TRAF3: variants seen among roughly 807,000 people sequenced by gnomAD.
TRAF3 encodes the protein TNF receptor associated factor 3.
A neutral mutation model predicts 62.3 loss-of-function variants in TRAF3; 13 were observed. The observed-to-expected ratio is 0.21, with a 90% CI of 0.14 to 0.33. The LOEUF (loss-of-function observed/expected upper bound fraction) is 0.33, where lower values mean the gene tolerates loss of function less well. Ranked by LOEUF, TRAF3 falls within the 10% of genes least tolerant of loss-of-function variation. The pLI, the probability that TRAF3 is intolerant of heterozygous loss-of-function variation, is 1.00. For missense variants in TRAF3, 440 were observed against 741.8 expected, an observed-to-expected ratio of 0.59 and a Z score of 4.73; for synonymous variants, 269 against 283.4, an observed-to-expected ratio of 0.95 and a Z score of 0.51.
rs769573527 is a variant in TRAF3 at position 102,903,616 on chromosome 14, C to G, written c.1135+187C>G. 1.1e-6 allele frequency: 1 copy of G among 872,772 alleles called. No individual in the cohort carries two copies. Among genetic ancestry groups the G allele is most frequent in the Non-Finnish European group, 1.8e-6 (1 of 543,954 alleles). The allele number at this position is 872,772 out of a possible 1,614,324, so 54.1% of individuals were successfully genotyped here. On this transcript the variant is annotated intron_variant, in intron 11 of 11. Coordinates refer to ENST00000392745, the MANE Select transcript of TRAF3 (RefSeq NM_145725.3). This position sits in a 1 kb window ranked among gnomAD's most constrained non-coding sequence, Gnocchi z 6.4. ...AGTCCCCCAGCAAAGACAAACGTTT[C>G]CCGCGCAGGCTTGTCCCCTCCGTGT... is the stretch of plus-strand genomic sequence containing the variant.
rs370752725 is a variant in TRAF3 at position 102,870,194 on chromosome 14, T to C, written c.-8T>C. ...TGTTTTTTCCCGACAGAACTCCTCT[T>C]TCCTAAAATGGAGTCGAGTAAAAAG... is the stretch of plus-strand genomic sequence containing the variant. On this transcript the variant is annotated 5_prime_UTR_variant, in exon 3 of 12. Transcript: ENST00000392745. 25 of 1,614,046 alleles carry C rather than the reference T, an allele frequency of 1.5e-5. No homozygotes were observed. The highest frequency in any genetic ancestry group is 2.0e-5 in the Non-Finnish European group (24 of 1,180,030).
chr14:102,779,269 CTTTTTTTTTTTTTTTTT>C (rs61309052), intron 1 of TRAF3, among the ~76,000 whole-genome samples: 5 of 123,430 alleles, frequency 4.1e-5, no homozygotes, highest in Non-Finnish European at 4.8e-5. Flanking sequence ...AGAATTCCAG[CTTTTTTTTTTTTTTTTT>C]TTTTTTTTTT....
intron 1 of TRAF3, among the ~76,000 whole-genome samples, chr14:102,805,572 G>A (rs1479521882): frequency 6.6e-6 from 1 of 152,146 alleles, no homozygotes; most frequent in African/African-American, 2.4e-5. Context: ...CTACTGTTGG[G>A]TTCTCCTCCC....
intron 1 of TRAF3, among the ~76,000 whole-genome samples, chr14:102,816,436 T>C (rs1899526137): frequency 6.6e-6 from 1 of 152,160 alleles, no homozygotes; most frequent in South Asian, 2.1e-4. Flanking sequence ...ACACACCAGA[T>C]TTTGAAGATT....
intron 1 of TRAF3, among the ~76,000 whole-genome samples, chr14:102,801,801 A>G (rs8010273): frequency 6.6e-6 from 1 of 151,834 alleles, no homozygotes; most frequent in Non-Finnish European, 1.5e-5. Context: ...GGCAGATCAC[A>G]AGGTCAGGAG....
intron 1 of TRAF3, among the ~76,000 whole-genome samples, chr14:102,828,279 T>C (rs1237129817): frequency 1.3e-5 from 2 of 152,242 alleles, no homozygotes; most frequent in Non-Finnish European, 2.9e-5. Flanking sequence ...AAGACTGCAA[T>C]GCAGCGGTTA....
chr14:102,894,140 A>G (rs1889877087), intron 9 of TRAF3, among the ~76,000 whole-genome samples: 1 of 152,158 alleles, frequency 6.6e-6, no homozygotes, highest in African/African-American at 2.4e-5. Flanking sequence ...CAGCCTGGGC[A>G]ACACGGTGAA....
At chr14:102,902,968 GCTCT>G in intron 10 of TRAF3, 1 of 466,170 alleles carries the variant, frequency 2.1e-6, no homozygotes, top group Non-Finnish European at 4.0e-6. Flanking sequence ...TTTCCTGATG[GCTCT>G]CTGTTGACAA....
chr14:102,903,215 CCTAA>C lies in TRAF3; in HGVS notation c.961-37_961-34del, dbSNP rs751162819. On this transcript the variant is annotated intron_variant, in intron 10 of 11. Coordinates refer to ENST00000392745, the MANE Select transcript of TRAF3 (RefSeq NM_145725.3). This position sits in a 1 kb window ranked among gnomAD's most constrained non-coding sequence, Gnocchi z 6.4. The stretch of plus-strand genomic sequence containing the variant: ...GAAGGTGGTGCAGCATTTTCCGAGT[CCTAA>C]CTGTGTTTTGCTTTTTAACACCTTT... 6.2e-7 allele frequency: 1 copy of C among 1,613,898 alleles called. No individual in the cohort carries two copies. Among genetic ancestry groups the C allele is most frequent in the Admixed American group, 1.7e-5 (1 of 60,016 alleles).
intron 9 of TRAF3, among the ~76,000 whole-genome samples, chr14:102,894,562 G>T (rs1005793047): frequency 1.1e-4 from 16 of 152,060 alleles, no homozygotes; most frequent in African/African-American, 3.9e-4. Context: ...TGTGCCTATG[G>T]CATCTCCCTG....
chr14:102,897,433 G>C (rs1890061251), intron 10 of TRAF3, 32 bp downstream of exon 10: 2 of 1,611,242 alleles, frequency 1.2e-6, no homozygotes, highest in South Asian at 1.1e-5. Context: ...CCAGATCAAA[G>C]GGTGGAGGAG....
At chr14:102,813,698 G>T (rs888010248) in intron 1 of TRAF3, among the ~76,000 whole-genome samples, 1 of 151,874 alleles carries the variant, frequency 6.6e-6, no homozygotes, top group South Asian at 2.1e-4. Flanking sequence ...TGATCCACCC[G>T]CCTCGGCCTC....
chr14:102,882,324 G>T (rs186733399), intron 6 of TRAF3, among the ~76,000 whole-genome samples: 1 of 152,214 alleles, frequency 6.6e-6, no homozygotes, highest in African/African-American at 2.4e-5. Flanking sequence ...GTTGAAAACC[G>T]TTTGAGCAGT....
At chr14:102,829,100 G>C (rs1303266354) in intron 1 of TRAF3, among the ~76,000 whole-genome samples, 1 of 152,202 alleles carries the variant, frequency 6.6e-6, no homozygotes, top group Non-Finnish European at 1.5e-5. Context: ...GGGAGGCCAA[G>C]AGTCAGAGCG....
chr14:102,779,300 A>G (rs1335761505), intron 1 of TRAF3, among the ~76,000 whole-genome samples: 1 of 67,438 alleles, frequency 1.5e-5, no homozygotes, highest in African/African-American at 8.8e-5. Flanking sequence ...TTTTTTTTTG[A>G]GACATTCATG....
chr14:102,869,704 G>C (rs141924912), intron 2 of TRAF3, among the ~76,000 whole-genome samples: 8 of 151,816 alleles, frequency 5.3e-5, no homozygotes, highest in African/African-American at 1.9e-4. Flanking sequence ...TACTCGGGAG[G>C]CTGAGGCAGG....
At chr14:102,888,379 G>C (rs1889522197) in intron 7 of TRAF3, among the ~76,000 whole-genome samples, 1 of 152,184 alleles carries the variant, frequency 6.6e-6, no homozygotes, top group African/African-American at 2.4e-5. Flanking sequence ...CTTGAAGGTT[G>C]ACCCTAGCAG....
intron 2 of TRAF3, among the ~76,000 whole-genome samples, chr14:102,852,755 C>T (rs1887119989): frequency 6.6e-6 from 1 of 152,030 alleles, no homozygotes; most frequent in Admixed American, 6.6e-5. Flanking sequence ...GGCTGGAGTG[C>T]AGTGGCGTGA....
At chr14:102,834,212 C>T (rs150110769) in intron 2 of TRAF3, among the ~76,000 whole-genome samples, 36 of 152,146 alleles carry the variant, frequency 2.4e-4, no homozygotes, top group African/African-American at 8.4e-4. Context: ...TACTACATGG[C>T]TACAGCAACC....
Sources: gnomAD v4.1 joint callset for allele counts (sites outside exome capture counted in the v4.1 genomes callset) on GRCh38, gnomAD v4.1.1 for gene constraint, Gnocchi (gnomAD v3.1) non-coding constraint, MANE v1.5 for transcripts, NCBI Gene and HGNC (gene_info 2026-07-23, HGNC 2026-07-21) for gene names.